The following LRP1B variants were observed in gnomAD, a reference collection of about 807,000 sequenced individuals.
The protein encoded by LRP1B is low-density lipoprotein receptor-related protein 1B.
LRP1B carries 217 observed loss-of-function variants against 556.6 expected under a neutral mutation model. The observed-to-expected ratio is 0.39, with a 90% CI of 0.35 to 0.44. LRP1B has a LOEUF of 0.44. Among genes scored for constraint, LRP1B ranks in the 20% least tolerant of loss-of-function variants. LRP1B has a pLI of 1.00. For missense variants in LRP1B, 5,053 were observed against 5,620.8 expected, an observed-to-expected ratio of 0.90 and a Z score of 3.23; for synonymous variants, 2,047 against 1,865.8, an observed-to-expected ratio of 1.10 and a Z score of -2.50.
At chr2:141,809,543 A>T (rs572009014) in intron 2 of LRP1B, among the ~76,000 whole-genome samples, 23 of 152,124 alleles carry the variant, frequency 1.5e-4, no homozygotes, top group African/African-American at 5.1e-4. Context: ...AGTGGGTATT[A>T]AAAAAAGTGG....
chr2:140,343,013 G>C (rs1331540917), intron 77 of LRP1B, among the ~76,000 whole-genome samples: 2 of 148,540 alleles, frequency 1.3e-5, no homozygotes, highest in Admixed American at 6.7e-5. Context: ...AATTTTTTTT[G>C]TGTGTGGGGT....
At chr2:141,737,723 A>G (rs1198835624) in intron 2 of LRP1B, among the ~76,000 whole-genome samples, 1 of 152,132 alleles carries the variant, frequency 6.6e-6, no homozygotes, top group Non-Finnish European at 1.5e-5. Flanking sequence ...TTGCTTGTAA[A>G]TCATGTTAGG....
intron 7 of LRP1B, among the ~76,000 whole-genome samples, chr2:141,148,500 G>T (rs1701840360): frequency 6.6e-6 from 1 of 152,140 alleles, no homozygotes; most frequent in Non-Finnish European, 1.5e-5. Context: ...CTGTTCTGGG[G>T]CTGGGAGTGG....
intron 3 of LRP1B, among the ~76,000 whole-genome samples, chr2:141,316,309 TAAC>T (rs1239406499): frequency 2.0e-5 from 3 of 152,222 alleles, no homozygotes; most frequent in African/African-American, 4.8e-5. Flanking sequence ...CCCTGTCATT[TAAC>T]AACGTTATTG....
intron 77 of LRP1B, 64 bp downstream of exon 77, chr2:140,350,733 T>C (rs993872309): frequency 5.5e-6 from 8 of 1,457,206 alleles, no homozygotes; most frequent in Non-Finnish European, 7.5e-6. Context: ...ATTAGATAAA[T>C]TTTGTTTAAA....
chr2:140,547,719 GA>G (rs916298348), intron 43 of LRP1B, among the ~76,000 whole-genome samples: 22 of 152,064 alleles, frequency 1.4e-4, no homozygotes, highest in Admixed American at 1.1e-3. Flanking sequence ...TACTTAGAAT[GA>G]AGAAATGGGC....
intron 35 of LRP1B, among the ~76,000 whole-genome samples, chr2:140,757,540 T>A (rs1434196010): frequency 2.0e-5 from 3 of 152,242 alleles, no homozygotes; most frequent in Non-Finnish European, 4.4e-5. Flanking sequence ...GGAAAACATA[T>A]CATATGATTC....
At position 141,604,292 on chromosome 2, in the gene LRP1B, C is replaced by A. The variant is rs1361062276; in HGVS notation, c.206-123759G>T. Among the ~76,000 whole-genome samples the A allele has an allele frequency of 2.0e-5, 3 of 152,142 alleles. No individual in the cohort carries two copies. The South Asian group carries it at 6.2e-4, about 32-fold the overall frequency. On this transcript the variant is annotated intron_variant, in intron 2 of 90. Transcript: ENST00000389484. ...ATATCAAAACTTGTGAAATGTTATG[C>A]CATGTTATAACAGAGCGTTCTCTAA...
chr2:140,827,283 A>G (rs1691542494), intron 31 of LRP1B, among the ~76,000 whole-genome samples: 1 of 152,190 alleles, frequency 6.6e-6, no homozygotes. Context: ...AGAGCCAGTG[A>G]CTAACCCTAG....
intron 1 of LRP1B, among the ~76,000 whole-genome samples, chr2:141,990,259 T>C (rs1471570306): frequency 1.3e-5 from 2 of 152,002 alleles, no homozygotes; most frequent in Non-Finnish European, 2.9e-5. Context: ...TATAGCCTAC[T>C]TGTAAAGAAG....
At chr2:142,071,349 C>A (rs1705303238) in intron 1 of LRP1B, among the ~76,000 whole-genome samples, 2 of 151,872 alleles carry the variant, frequency 1.3e-5, no homozygotes, top group Admixed American at 6.6e-5. Context: ...GTCATTTCCT[C>A]TTTGGATTCT....
At chr2:140,553,278 A>G (rs978254107) in intron 43 of LRP1B, among the ~76,000 whole-genome samples, 1 of 152,026 alleles carries the variant, frequency 6.6e-6, no homozygotes, top group Non-Finnish European at 1.5e-5. Context: ...AATATAAAAT[A>G]GATTATTATA....
At chr2:141,457,392 A>G (rs1341080994) in intron 3 of LRP1B, among the ~76,000 whole-genome samples, 1 of 152,136 alleles carries the variant, frequency 6.6e-6, no homozygotes, top group East Asian at 1.9e-4. Flanking sequence ...CAATGAAAAG[A>G]CGTGGAGACA....
rs2105199197 is a variant in LRP1B at position 140,386,065 on chromosome 2, C to T, written c.10415-56G>A. The T allele has an allele frequency of 6.6e-6, 7 of 1,056,502 alleles. No homozygotes were observed. The South Asian group carries it at 8.0e-5, about 12-fold the overall frequency. 65.4% of individuals were successfully genotyped at this position (1,056,502 alleles called of 1,614,324 possible). On this transcript the variant is annotated intron_variant, in intron 66 of 90. Coordinates refer to ENST00000389484, the MANE Select transcript of LRP1B (RefSeq NM_018557.3). Reference sequence around the variant, plus strand: ...TAGATTTCCATGAAGACATCCCTCACAACGTCCTCACTGCCATGCCAAATC... The same window carrying T: ...TAGATTTCCATGAAGACATCCCTCATAACGTCCTCACTGCCATGCCAAATC...
chr2:140,565,989 C>T (rs1681111246), intron 43 of LRP1B, among the ~76,000 whole-genome samples: 1 of 152,208 alleles, frequency 6.6e-6, no homozygotes, highest in Non-Finnish European at 1.5e-5. Flanking sequence ...CACGGCTATG[C>T]TTCCCCCAGA....
chr2:141,354,777 T>A (rs34855334), intron 3 of LRP1B, among the ~76,000 whole-genome samples: 6,703 of 146,786 alleles, frequency 0.046, 236 homozygotes, highest in African/African-American at 0.084. Flanking sequence ...CCTGCAATTA[T>A]AAAAAAAAAA....
intron 3 of LRP1B, among the ~76,000 whole-genome samples, chr2:141,417,324 T>C (rs879469053): frequency 6.6e-6 from 1 of 152,180 alleles, no homozygotes; most frequent in Non-Finnish European, 1.5e-5. Flanking sequence ...GTACAGCAGA[T>C]CTCTAAAACT....
intron 2 of LRP1B, among the ~76,000 whole-genome samples, chr2:141,517,128 CT>C (rs1362842320): frequency 2.0e-5 from 3 of 151,508 alleles, no homozygotes; most frequent in African/African-American, 7.3e-5. Context: ...TATGTCTACC[CT>C]TTTATGTTCT....
At chr2:141,975,589 T>G (rs941235040) in intron 1 of LRP1B, among the ~76,000 whole-genome samples, 1 of 152,154 alleles carries the variant, frequency 6.6e-6, no homozygotes, top group African/African-American at 2.4e-5. Flanking sequence ...AGCTGTAATG[T>G]GTTAACATAG....
Sources: allele counts gnomAD v4.1 joint callset (sites outside exome capture counted in the v4.1 genomes callset), GRCh38; gene constraint gnomAD v4.1.1; transcripts MANE v1.5; gene names NCBI Gene and HGNC (gene_info 2026-07-23, HGNC 2026-07-21).